The following KCNK12 variants were observed in gnomAD, a reference collection of about 807,000 sequenced individuals.
KCNK12 encodes the protein potassium two pore domain channel subfamily K member 12.
Under a neutral mutation model 25.3 loss-of-function variants are expected in KCNK12, and 6 were observed. The ratio of observed to expected loss-of-function variants is 0.24; its 90% confidence interval spans 0.13 to 0.47. KCNK12 has a LOEUF of 0.47. Among genes scored for constraint, KCNK12 ranks in the 20% least tolerant of loss-of-function variants. The probability of loss-of-function intolerance (pLI) is 0.99; values close to 1 mark genes in which losing one functional copy is unlikely to be tolerated. For missense variants in KCNK12, 444 were observed against 661.7 expected (o/e 0.67, Z 3.61); for synonymous variants, 331 against 311.1 (o/e 1.06, Z -0.67).
In KCNK12 at chr2:47,557,217, G is replaced by T. The variant is rs796477527; in HGVS notation, c.391+12724C>A. Among the ~76,000 whole-genome samples the T allele has an allele frequency of 3.9e-5, 6 of 152,290 alleles. 1 individual carries two copies. Among genetic ancestry groups the T allele is most frequent in the African/African-American group, 1.2e-4 (5 of 41,540 alleles). On this transcript the variant is annotated intron_variant, in intron 1 of 1. Coordinates refer to ENST00000327876, the MANE Select transcript of KCNK12 (RefSeq NM_022055.2). This position sits in a 1 kb window ranked among gnomAD's most constrained non-coding sequence, Gnocchi z 4.9. ...TTTAAGAGGTGATTGGATCATGTGG[G>T]TTCTGTTCTCATGAATGGATTAATG...
Position 47,568,616 on chromosome 2 carries a change from C to G in KCNK12, c.391+1325G>C, listed in dbSNP as rs78860007. 8.8e-4 allele frequency among the ~76,000 whole-genome samples: 134 copies of G among 152,316 alleles called. No homozygotes were observed. In the East Asian group the frequency reaches 0.025, roughly 28 times the overall value. Reference sequence around the variant, plus strand: ...CTGCACATGGAGGCAGCCTCTCTCCCTGCCTCCAACCAGCCATCTGCTGTG... The same window carrying G: ...CTGCACATGGAGGCAGCCTCTCTCCGTGCCTCCAACCAGCCATCTGCTGTG... On this transcript the variant is annotated intron_variant, in intron 1 of 1. Transcript: ENST00000327876.
chr2:47,560,116 G>A lies in KCNK12; in HGVS notation c.391+9825C>T, dbSNP rs1240879638. 6.6e-6 allele frequency among the ~76,000 whole-genome samples: 1 copy of A among 152,132 alleles called. No homozygotes were observed. The highest frequency in any genetic ancestry group is 2.4e-5 in the African/African-American group (1 of 41,422). On this transcript the variant is annotated intron_variant, in intron 1 of 1. Transcript: ENST00000327876. The surrounding 1 kb of genome is among the most constrained non-coding windows in gnomAD (Gnocchi z 4.7). ...CTGGCTATGTCCCCAGGCTTTCCTT[G>A]CTGGTGTGCTTAAGGGAGGCCCTCC...
rs1338690170 is a variant in KCNK12 at position 47,560,172 on chromosome 2, A to T, written c.391+9769T>A. On this transcript the variant is annotated intron_variant, in intron 1 of 1. Coordinates refer to ENST00000327876, the MANE Select transcript of KCNK12 (RefSeq NM_022055.2). The surrounding 1 kb of genome is among the most constrained non-coding windows in gnomAD (Gnocchi z 4.7). ...TTTTGGTTTTCTGTCCCGCCTGTCC[A>T]TGCCCACTGCAGCTGTTTCCAGTGC... 1.3e-5 allele frequency among the ~76,000 whole-genome samples: 2 copies of T among 152,172 alleles called. No individual in the cohort carries two copies. The highest frequency in any genetic ancestry group is 1.3e-4 in the Admixed American group (2 of 15,280).
chr2:47,528,639 C>T lies in KCNK12; in HGVS notation c.392-6831G>A, dbSNP rs1377434913. Among the ~76,000 whole-genome samples, 1 of 152,134 alleles carries T rather than the reference C, an allele frequency of 6.6e-6. No individual in the cohort carries two copies. Among genetic ancestry groups the T allele is most frequent in the Non-Finnish European group, 1.5e-5 (1 of 68,030 alleles). ...CAGAGGCGTGATCTGTCCCTGGGTT[C>T]GCACCAAGCCTGCTATTTTGTTTAT... On this transcript the variant is annotated intron_variant, in intron 1 of 1. Coordinates refer to ENST00000327876, the MANE Select transcript of KCNK12 (RefSeq NM_022055.2). The surrounding 1 kb of genome is among the most constrained non-coding windows in gnomAD (Gnocchi z 4.5).
rs567643203 is a variant in KCNK12, at chr2:47,515,897, G to A, written c.*5010C>T. On this transcript the variant is annotated 3_prime_UTR_variant, in exon 2 of 2. Coordinates refer to ENST00000327876, the MANE Select transcript of KCNK12 (RefSeq NM_022055.2). ...GACACTGTGGGAAGGACCCCATGCA[G>A]AAGCAATAGGGCAGCCTGGTCCCAT... is the stretch of plus-strand genomic sequence containing the variant. Among the ~76,000 whole-genome samples, 7 of 152,352 alleles carry A rather than the reference G, an allele frequency of 4.6e-5. No homozygotes were observed. The South Asian group carries it at 1.2e-3, about 27-fold the overall frequency.
intron 1 of KCNK12, among the ~76,000 whole-genome samples, chr2:47,542,316 G>T (rs566670069): frequency 4.4e-4 from 67 of 152,318 alleles, no homozygotes; most frequent in African/African-American, 1.5e-3. Flanking sequence ...AAGCACCCTG[G>T]CACATGCACA....
chr2:47,535,285 A>T (rs909664387), intron 1 of KCNK12: 1 of 233,078 alleles, frequency 4.3e-6, no homozygotes, highest in African/African-American at 2.2e-5. Context: ...TGCTAGCCCG[A>T]CCTGCACCTG....
rs544400412 is a variant in KCNK12 at position 47,509,664 on chromosome 2, G to A, written c.*11243C>T. Reference sequence around the variant, plus strand: ...CAGTGTCAGAGAGCTAGGTGGCCAGGTTGGAGTTGATTGCCAATGATAGGT... The same window carrying A: ...CAGTGTCAGAGAGCTAGGTGGCCAGATTGGAGTTGATTGCCAATGATAGGT... On this transcript the variant is annotated 3_prime_UTR_variant, in exon 2 of 2. Coordinates refer to ENST00000327876, the MANE Select transcript of KCNK12 (RefSeq NM_022055.2). 6.6e-6 allele frequency among the ~76,000 whole-genome samples: 1 copy of A among 152,340 alleles called. No individual in the cohort carries two copies. Among genetic ancestry groups the A allele is most frequent in the African/African-American group, 2.4e-5 (1 of 41,572 alleles).
In KCNK12 at chr2:47,569,484, G is replaced by A. The variant is rs1221559637; in HGVS notation, c.391+457C>T. On this transcript the variant is annotated intron_variant, in intron 1 of 1. Coordinates refer to ENST00000327876, the MANE Select transcript of KCNK12 (RefSeq NM_022055.2). This position sits in a 1 kb window ranked among gnomAD's most constrained non-coding sequence, Gnocchi z 4.1. The stretch of plus-strand genomic sequence containing the variant: ...GGTAAAGGAGTTAGAGGCCACTGAG[G>A]GAGAAAACAGGGTAAAAGAAGAAAG... Among the ~76,000 whole-genome samples, 1 of 151,994 alleles carries A rather than the reference G, an allele frequency of 6.6e-6. No individual in the cohort carries two copies. Among genetic ancestry groups the A allele is most frequent in the Non-Finnish European group, 1.5e-5 (1 of 67,996 alleles).
At chr2:47,543,934 T>G (rs1043389717) in intron 1 of KCNK12, 1 of 152,202 alleles carries the variant, frequency 6.6e-6, no homozygotes, top group Non-Finnish European at 1.5e-5. Flanking sequence ...AGGTTCTTTC[T>G]ACCAAGGAGC....
chr2:47,545,597 T>G (rs1669295799), intron 1 of KCNK12, among the ~76,000 whole-genome samples: 1 of 152,238 alleles, frequency 6.6e-6, no homozygotes, highest in Admixed American at 6.5e-5. Context: ...CAGGGACACC[T>G]GGGCTAGAAT....
chr2:47,539,479 CAG>C (rs1669146845), intron 1 of KCNK12, among the ~76,000 whole-genome samples: 2 of 152,080 alleles, frequency 1.3e-5, no homozygotes, highest in Admixed American at 1.3e-4. Flanking sequence ...TGGGGTGGCC[CAG>C]ACCAGGAGAG....
In KCNK12 at chr2:47,512,626, T is replaced by G; in HGVS notation, c.*8281A>C. The stretch of plus-strand genomic sequence containing the variant: ...CGCCTTCTGGGAACTTCACAATGGC[T>G]AAAGTGTGCTAATGGGATGATGTGC... On this transcript the variant is annotated 3_prime_UTR_variant, in exon 2 of 2. Coordinates refer to ENST00000327876, the MANE Select transcript of KCNK12 (RefSeq NM_022055.2). 1.7e-6 allele frequency: 1 copy of G among 602,526 alleles called. No homozygotes were observed. The highest frequency in any genetic ancestry group is 2.1e-5 in the South Asian group (1 of 48,308). The allele number at this position is 602,526 out of a possible 1,614,324, so 37.3% of individuals were successfully genotyped here.
chr2:47,552,771 A>G (rs1397817380), intron 1 of KCNK12, among the ~76,000 whole-genome samples: 1 of 152,032 alleles, frequency 6.6e-6, no homozygotes, highest in African/African-American at 2.4e-5. Context: ...CTGGCTCCAA[A>G]AAAAAGAAAA....
At position 47,538,431 on chromosome 2, in the gene KCNK12, C is replaced by T. The variant is rs960463358; in HGVS notation, c.392-16623G>A. Among the ~76,000 whole-genome samples, 5 of 151,922 alleles carry T rather than the reference C, an allele frequency of 3.3e-5. No homozygotes were observed. Among genetic ancestry groups the T allele is most frequent in the Non-Finnish European group, 7.4e-5 (5 of 67,966 alleles). On this transcript the variant is annotated intron_variant, in intron 1 of 1. Coordinates refer to ENST00000327876, the MANE Select transcript of KCNK12 (RefSeq NM_022055.2). This position sits in a 1 kb window ranked among gnomAD's most constrained non-coding sequence, Gnocchi z 4.5. Reference sequence around the variant, plus strand: ...AAGAGTGTTTCAGGCTAGTCAACAGCACGAGCAAAGGCCCTGAGGCAGAGG... The same window carrying T: ...AAGAGTGTTTCAGGCTAGTCAACAGTACGAGCAAAGGCCCTGAGGCAGAGG...
In KCNK12 at chr2:47,540,772, AAAAC is replaced by A. The variant is rs59132408; in HGVS notation, c.392-18968_392-18965del. Among the ~76,000 whole-genome samples, 53 of 150,056 alleles carry A rather than the reference AAAAC, an allele frequency of 3.5e-4. 2 individuals are homozygous for A. Among genetic ancestry groups the A allele is most frequent in the African/African-American group, 7.9e-4 (32 of 40,574 alleles). ...GAGACTCCATCCCTAGAAACAATTA[AAAAC>A]AAACAAACAAACAAACAAACAAAAG... On this transcript the variant is annotated intron_variant, in intron 1 of 1. Transcript: ENST00000327876. This position sits in a 1 kb window ranked among gnomAD's most constrained non-coding sequence, Gnocchi z 5.4.
At chr2:47,539,928 A>G (rs547904116) in intron 1 of KCNK12, among the ~76,000 whole-genome samples, 260 of 152,298 alleles carry the variant, frequency 1.7e-3, no homozygotes, top group African/African-American at 6.1e-3. Context: ...CAGTGGCTAA[A>G]TCACAAGCCC....
intron 1 of KCNK12, 72 bp from the exon 2 acceptor site, chr2:47,521,880 GT>G: frequency 3.5e-6 from 4 of 1,131,926 alleles, no homozygotes; most frequent in Non-Finnish European, 3.6e-6. Flanking sequence ...GGTGGGGGGT[GT>G]GGGGGCGGGG....
rs1668864623 is a variant in KCNK12, at chr2:47,529,222, G to A, written c.392-7414C>T. 6.6e-6 allele frequency: 1 copy of A among 152,178 alleles called. No individual in the cohort carries two copies. Among genetic ancestry groups the A allele is most frequent in the Non-Finnish European group, 1.5e-5 (1 of 68,048 alleles). 9.4% of individuals were successfully genotyped at this position (152,178 alleles called of 1,614,324 possible). A position where few individuals can be genotyped will look rare whatever the true frequency, so the allele number is the denominator to read the frequency against. On this transcript the variant is annotated intron_variant, in intron 1 of 1. Coordinates refer to ENST00000327876, the MANE Select transcript of KCNK12 (RefSeq NM_022055.2). The surrounding 1 kb of genome is among the most constrained non-coding windows in gnomAD (Gnocchi z 4.3). Reference sequence around the variant, plus strand: ...ACTAGTAATTACCCCAGGACAGCATGTATAAACCAGGGCTGTTCCAAGCAA... The same window carrying A: ...ACTAGTAATTACCCCAGGACAGCATATATAAACCAGGGCTGTTCCAAGCAA...
Sources: gnomAD v4.1 joint callset for allele counts (sites outside exome capture counted in the v4.1 genomes callset) on GRCh38, gnomAD v4.1.1 for gene constraint, Gnocchi (gnomAD v3.1) non-coding constraint, MANE v1.5 for transcripts, NCBI Gene and HGNC (gene_info 2026-07-23, HGNC 2026-07-21) for gene names.